MELTF: variants seen among roughly 807,000 people sequenced by gnomAD.
MELTF encodes the protein antigen p97 (melanoma associated) identified by monoclonal antibodies 133.2 and 96.5.
MELTF carries 67 observed loss-of-function variants against 83.7 expected under a neutral mutation model. The ratio of observed to expected loss-of-function variants is 0.80; its 90% CI spans 0.66 to 0.98. The LOEUF (loss-of-function observed/expected upper bound fraction) is 0.98. Ranked by LOEUF, MELTF falls within the 50% of genes least tolerant of loss-of-function variation. The pLI, the probability that MELTF is intolerant of heterozygous loss-of-function variation, is 0.00. For missense variants in MELTF, 1,002 were observed against 1,035.6 expected, an observed-to-expected ratio of 0.97 and a Z score of 0.44; for synonymous variants, 462 against 447.6, an observed-to-expected ratio of 1.03 and a Z score of -0.41.
chr3:197,007,101 C>T lies in MELTF; in HGVS notation c.1751-365G>A, dbSNP rs1719009358. On this transcript the variant is annotated intron_variant, in intron 13 of 15. Transcript: ENST00000296350. The surrounding 1 kb of genome is among the most constrained non-coding windows in gnomAD (Gnocchi z 4.3). ...ATCACTCCCAGGCAGAGAACCCCAT[C>T]TATGTGTTACATCCTCAAGCCTGAG... Among the ~76,000 whole-genome samples, 1 of 152,162 alleles carries T rather than the reference C, an allele frequency of 6.6e-6. No individual in the cohort carries two copies. The highest frequency in any genetic ancestry group is 2.4e-5 in the African/African-American group (1 of 41,406).
At chr3:197,012,124 G>A (rs919119211) in intron 9 of MELTF, among the ~76,000 whole-genome samples, 7 of 152,204 alleles carry the variant, frequency 4.6e-5, no homozygotes, top group East Asian at 1.9e-4. Flanking sequence ...TCGGGCCTGC[G>A]GAAGCTCCCG....
intron 6 of MELTF, chr3:197,019,409 T>A: frequency 7.5e-7 from 1 of 1,333,734 alleles, no homozygotes; most frequent in Non-Finnish European, 9.6e-7. Flanking sequence ...ATAAAGTCAC[T>A]TAAAAAATGA....
chr3:197,029,127 C>T lies in MELTF; in HGVS notation c.49+527G>A, dbSNP rs1719981023. Reference sequence around the variant, plus strand: ...CGCGAGCCGCTCCCCGAGGTCCCGCCTCCCGTCCCACCATCCCGGGCCCTG... The same window carrying T: ...CGCGAGCCGCTCCCCGAGGTCCCGCTTCCCGTCCCACCATCCCGGGCCCTG... On this transcript the variant is annotated intron_variant, in intron 1 of 15. Transcript: ENST00000296350. This position sits in a 1 kb window ranked among gnomAD's most constrained non-coding sequence, Gnocchi z 6.5. 6.6e-6 allele frequency: 1 copy of T among 152,354 alleles called. No individual in the cohort carries two copies. Among genetic ancestry groups the T allele is most frequent in the East Asian group, 1.9e-4 (1 of 5,168 alleles). The allele number at this position is 152,354 out of a possible 1,614,324, so 9.4% of individuals were successfully genotyped here.
chr3:197,024,388 G>A lies in MELTF; in HGVS notation c.402C>T (p.Ile134=). The change falls in exon 4 of 16, where the codon ATC becomes ATT. Residue 134 remains isoleucine (I), a synonymous_variant. Coordinates refer to ENST00000296350, the MANE Select transcript of MELTF (RefSeq NM_005929.6). This position sits in a 1 kb window ranked among gnomAD's most constrained non-coding sequence, Gnocchi z 5.3. ...GCACGTTCCAGCCCACTGTGCGATTGATGCCCGTGTGGCAGGACTTCACGC... is the reference window on the plus strand; with the variant it reads ...GCACGTTCCAGCCCACTGTGCGATTAATGCCCGTGTGGCAGGACTTCACGC... The part of the protein sequence containing the change: ...LKGVKSCHTG[I]NRTVGWNVPV... 1.2e-6 allele frequency: 2 copies of A among 1,610,856 alleles called. No homozygotes were observed. Among genetic ancestry groups the A allele is most frequent in the Non-Finnish European group, 1.7e-6 (2 of 1,178,450 alleles).
In MELTF at chr3:197,024,302, C is replaced by T; in HGVS notation, c.487+1G>A. ...CCTCCTGCCCAGCCCAAAGCCCTCA[C>T]CTTTGAGTACATCGCAGCCCATCAC... is the stretch of plus-strand genomic sequence containing the variant. On this transcript the variant is annotated splice_donor_variant, in intron 4 of 15. Transcript: ENST00000296350. LOFTEE classifies it high-confidence loss of function. The surrounding 1 kb of genome is among the most constrained non-coding windows in gnomAD (Gnocchi z 5.3). The T allele has an allele frequency of 3.8e-6, 6 of 1,564,616 alleles. No individual in the cohort carries two copies. The highest frequency in any genetic ancestry group is 4.3e-6 in the Non-Finnish European group (5 of 1,151,280).
chr3:197,023,782 G>A, intron 4 of MELTF: 1 of 454,242 alleles, frequency 2.2e-6, no homozygotes, highest in South Asian at 1.6e-5. Context: ...CAAGTGCCTG[G>A]TGAGCCACTC....
chr3:197,027,699 T>C lies in MELTF; in HGVS notation c.204+57A>G. The stretch of plus-strand genomic sequence containing the variant: ...TTTCCTGGTGAATGGGGCTGTTGTG[T>C]GCTCCCTCCTGAGTCACAGCCCTCT... On this transcript the variant is annotated intron_variant, in intron 2 of 15. Coordinates refer to ENST00000296350, the MANE Select transcript of MELTF (RefSeq NM_005929.6). The C allele has an allele frequency of 1.9e-6, 3 of 1,550,126 alleles. No homozygotes were observed. In the South Asian group the frequency reaches 3.5e-5, roughly 18 times the overall value.
intron 14 of MELTF, among the ~76,000 whole-genome samples, chr3:197,005,250 G>C (rs1718935116): frequency 1.3e-5 from 2 of 152,258 alleles, no homozygotes; most frequent in South Asian, 4.1e-4. Flanking sequence ...GAAGACCGGA[G>C]TCAAAAATGA....
rs191225820 is a variant in MELTF at position 197,006,153 on chromosome 3, G to T, written c.1938+396C>A. 6.6e-6 allele frequency among the ~76,000 whole-genome samples: 1 copy of T among 152,128 alleles called. No homozygotes were observed. Among genetic ancestry groups the T allele is most frequent in the East Asian group, 1.9e-4 (1 of 5,168 alleles). On this transcript the variant is annotated intron_variant, in intron 14 of 15. Coordinates refer to ENST00000296350, the MANE Select transcript of MELTF (RefSeq NM_005929.6). This position sits in a 1 kb window ranked among gnomAD's most constrained non-coding sequence, Gnocchi z 5.4. Reference sequence around the variant, plus strand: ...GGAGAATGGCGTGAACCCGGGAGGCGGAGCTTGCAGTGAGCCGAGATAGTG... The same window carrying T: ...GGAGAATGGCGTGAACCCGGGAGGCTGAGCTTGCAGTGAGCCGAGATAGTG...
Position 197,012,225 on chromosome 3 carries a change from G to A in MELTF, c.1234-1431C>T, listed in dbSNP as rs75567621. On this transcript the variant is annotated intron_variant, in intron 9 of 15. Transcript: ENST00000296350. ...TCCAGAAGTGTGAAGACAGGGCTGT[G>A]GCCTGGCTCAGGCAACGCGGTGTGG... Among the ~76,000 whole-genome samples the A allele has an allele frequency of 3.9e-3, 593 of 152,302 alleles. 8 individuals carry two copies. Among genetic ancestry groups the A allele is most frequent in the East Asian group, 0.038 (196 of 5,180 alleles).
chr3:197,008,733 C>G lies in MELTF; in HGVS notation c.1683-9G>C, dbSNP rs1719065549. 6.2e-7 allele frequency: 1 copy of G among 1,613,978 alleles called. No individual in the cohort carries two copies. Among genetic ancestry groups the G allele is most frequent in the Admixed American group, 1.7e-5 (1 of 60,000 alleles). On this transcript the variant is annotated splice_polypyrimidine_tract_variant and intron_variant, in intron 12 of 15. Coordinates refer to ENST00000296350, the MANE Select transcript of MELTF (RefSeq NM_005929.6). The surrounding 1 kb of genome is among the most constrained non-coding windows in gnomAD (Gnocchi z 5.4). ...CATTCTCCACCAGGCACCTGCCACA[C>G]AGAGGGCAGGGCAGGCGTCGGCAGG...
rs1230303179 is a variant in MELTF, at chr3:197,003,374, AGAGGGCGGGCGGGAGCAGGCGGGCGGC to A, written c.2188_2214del (p.Ala730_Leu738del). On this transcript the variant is annotated inframe_deletion, in exon 16 of 16. Coordinates refer to ENST00000296350, the MANE Select transcript of MELTF (RefSeq NM_005929.6). The surrounding 1 kb of genome is among the most constrained non-coding windows in gnomAD (Gnocchi z 6.2). Reference sequence around the variant, plus strand: ...GCTCTGGGGCGGGGCGGCCGGGCTCAGAGGGCGGGCGGGAGCAGGCGGGCGGCGAGGGCGGGCAGCAGCAGCGGGAGC... The same window carrying A: ...GCTCTGGGGCGGGGCGGCCGGGCTCAGAGGGCGGGCAGCAGCAGCGGGAGC... The A allele has an allele frequency of 4.8e-5, 50 of 1,045,144 alleles. No homozygotes were observed. The Middle Eastern group carries it at 1.3e-3, about 28-fold the overall frequency. 64.7% of individuals were successfully genotyped at this position (1,045,144 alleles called of 1,614,324 possible).
chr3:197,029,621 C>T lies in MELTF; in HGVS notation c.49+33G>A. 8.1e-7 allele frequency: 1 copy of T among 1,240,184 alleles called. No homozygotes were observed. Among genetic ancestry groups the T allele is most frequent in the Non-Finnish European group, 1.0e-6 (1 of 992,232 alleles). The allele number at this position is 1,240,184 out of a possible 1,614,324, so 76.8% of individuals were successfully genotyped here. On this transcript the variant is annotated intron_variant, in intron 1 of 15. Coordinates refer to ENST00000296350, the MANE Select transcript of MELTF (RefSeq NM_005929.6). This position sits in a 1 kb window ranked among gnomAD's most constrained non-coding sequence, Gnocchi z 6.5. ...CCGGGCCGCGGCGCCCCGGGACCCC[C>T]GCCCGCCTTTGGCTCTCACAGCGGG... is the stretch of plus-strand genomic sequence containing the variant.
rs201871187 is a variant in MELTF, at chr3:197,017,277, G to A, written c.726C>T (p.Pro242=). Reference sequence around the variant, plus strand: ...GTGACAGCAGGGCCTGGCCCCAGGAGGGAAGCGTCTTCCCTGGGAAGCAGG... The same window carrying A: ...GTGACAGCAGGGCCTGGCCCCAGGAAGGAAGCGTCTTCCCTGGGAAGCAGG... ...VLENTDGKTL[P]SWGQALLSQD... is the part of the protein sequence containing the mutation. The change falls in exon 7 of 16, where the codon CCC becomes CCT. Residue 242 remains proline (P), a synonymous_variant. Coordinates refer to ENST00000296350, the MANE Select transcript of MELTF (RefSeq NM_005929.6). 127 of 1,557,942 alleles carry A rather than the reference G, an allele frequency of 8.2e-5. 1 individual carries two copies. The East Asian group carries it at 1.1e-3, about 13-fold the overall frequency.
At chr3:197,028,011 G>A (rs1279560661) in intron 1 of MELTF, 101 bp from the exon 2 acceptor site, 1 of 1,364,716 alleles carries the variant, frequency 7.3e-7, no homozygotes, top group African/African-American at 1.4e-5. Flanking sequence ...CATTCGCCTG[G>A]ACAGCCAGTC....
Position 197,006,683 on chromosome 3 carries a change from G to A in MELTF, c.1804C>T (p.Leu602=). The change falls in exon 14 of 16, where the codon CTG becomes TTG. Residue 602 remains leucine (L), a synonymous_variant. Transcript: ENST00000296350. The surrounding 1 kb of genome is among the most constrained non-coding windows in gnomAD (Gnocchi z 5.4). The part of the protein sequence containing the change: ...AELRSEDYEL[L]CPNGARAEVS... Reference sequence around the variant, plus strand: ...TCGGCTCGGGCCCCGTTGGGGCACAGCAGTTCATAGTCCTCTGACCTGAGC... The same window carrying A: ...TCGGCTCGGGCCCCGTTGGGGCACAACAGTTCATAGTCCTCTGACCTGAGC... 1 of 1,586,746 alleles carries A rather than the reference G, an allele frequency of 6.3e-7. No individual in the cohort carries two copies. The highest frequency in any genetic ancestry group is 8.6e-7 in the Non-Finnish European group (1 of 1,166,974).
At position 197,004,106 on chromosome 3, in the gene MELTF, G is replaced by A; in HGVS notation, c.1939-7C>T. 6.2e-7 allele frequency: 1 copy of A among 1,614,018 alleles called. No homozygotes were observed. Among genetic ancestry groups the A allele is most frequent in the African/African-American group, 1.3e-5 (1 of 75,074 alleles). Reference sequence around the variant, plus strand: ...GGTCGTCTCCAAACAGGTCCTGGAAGCACCGCAGGCAGACGACCTGCTCCT... The same window carrying A: ...GGTCGTCTCCAAACAGGTCCTGGAAACACCGCAGGCAGACGACCTGCTCCT... On this transcript the variant is annotated splice_region_variant and splice_polypyrimidine_tract_variant and intron_variant, in intron 14 of 15. Coordinates refer to ENST00000296350, the MANE Select transcript of MELTF (RefSeq NM_005929.6).
At chr3:197,027,947 C>T (rs777732023) in intron 1 of MELTF, 37 bp from the exon 2 acceptor site, 7 of 1,532,412 alleles carry the variant, frequency 4.6e-6, no homozygotes, top group Non-Finnish European at 6.2e-6. Flanking sequence ...GCTCCCCCGC[C>T]CTGCCCAGCC....
At chr3:197,016,935 C>T (rs1215015155) in intron 7 of MELTF, among the ~76,000 whole-genome samples, 168 bp downstream of exon 7, 1 of 152,206 alleles carries the variant, frequency 6.6e-6, no homozygotes, top group Non-Finnish European at 1.5e-5. Flanking sequence ...AGCCCTCCTT[C>T]TGGCCAGCCA....
Sources: allele counts gnomAD v4.1 joint callset (sites outside exome capture counted in the v4.1 genomes callset), GRCh38; gene constraint gnomAD v4.1.1; non-coding constraint Gnocchi (gnomAD v3.1); transcripts MANE v1.5; gene names NCBI Gene and HGNC (gene_info 2026-07-23, HGNC 2026-07-21).